SCAI: variants seen among roughly 807,000 people sequenced by gnomAD.
The protein encoded by SCAI is protein SCAI.
In SCAI, 24 loss-of-function variants were observed where a neutral mutation model predicts 92.2. The ratio of observed to expected loss-of-function variants is 0.26; its 90% confidence interval spans 0.19 to 0.37. The LOEUF (loss-of-function observed/expected upper bound fraction) is 0.37. SCAI is among the 10% of genes least tolerant of loss of function. The pLI is 1.00. For synonymous variants in SCAI, 261 were observed against 258.6 expected, an observed-to-expected ratio of 1.01 and a Z score of -0.09; for missense variants, 450 against 736.2, an observed-to-expected ratio of 0.61 and a Z score of 4.50.
At position 124,973,036 on chromosome 9, in the gene SCAI, T is replaced by A. The variant is rs540847532; in HGVS notation, c.1400-1192A>T. 5.7e-4 allele frequency among the ~76,000 whole-genome samples: 87 copies of A among 152,342 alleles called. 1 individual carries two copies. The highest frequency in any genetic ancestry group is 1.1e-3 in the Non-Finnish European group (72 of 68,040). ...GTTTGGATTTTGGGTTTTTTGGGAT[T>A]TGCAATATTTGCATATACATAATGA... On this transcript the variant is annotated intron_variant, in intron 15 of 17. Coordinates refer to ENST00000336505, the MANE Select transcript of SCAI (RefSeq NM_001144877.3).
chr9:125,088,252 T>C (rs1470662138), intron 2 of SCAI, among the ~76,000 whole-genome samples: 1 of 152,066 alleles, frequency 6.6e-6, no homozygotes, highest in African/African-American at 2.4e-5. Flanking sequence ...CACACCACCA[T>C]GCTGATATGG....
At chr9:125,042,816 A>G (rs751255935) in intron 3 of SCAI, among the ~76,000 whole-genome samples, 1 of 148,592 alleles carries the variant, frequency 6.7e-6, no homozygotes, top group Admixed American at 6.7e-5. Context: ...GTACGCAAGT[A>G]AAGTTGTTAG....
At chr9:125,064,494 C>A (rs890400555) in intron 2 of SCAI, among the ~76,000 whole-genome samples, 2 of 152,042 alleles carry the variant, frequency 1.3e-5, no homozygotes, top group African/African-American at 2.4e-5. Flanking sequence ...ATTAAAATTA[C>A]AGTATACCTT....
intron 2 of SCAI, among the ~76,000 whole-genome samples, chr9:125,084,158 CTTTTTTTTTTTTT>C (rs34786493): frequency 1.1e-4 from 7 of 65,138 alleles, no homozygotes; most frequent in East Asian, 5.7e-4. Context: ...TTGGCTGCTG[CTTTTTTTTTTTTT>C]TTTTTTTTTT....
chr9:124,967,644 G>A (rs932649700), intron 17 of SCAI, among the ~76,000 whole-genome samples: 2 of 151,026 alleles, frequency 1.3e-5, no homozygotes, highest in African/African-American at 2.4e-5. Context: ...CCCTTAAAAT[G>A]AAAAAATAAT....
rs1038673075 is a variant in SCAI, at chr9:125,018,859, G to T, written c.801C>A (p.Gly267=). 4 of 1,613,750 alleles carry T rather than the reference G, an allele frequency of 2.5e-6. No individual in the cohort carries two copies. Among genetic ancestry groups the T allele is most frequent in the Non-Finnish European group, 3.4e-6 (4 of 1,179,904 alleles). Residue 267 remains glycine (G), a synonymous_variant, in exon 9 of 18, where the codon GGC becomes GGA. Coordinates refer to ENST00000336505, the MANE Select transcript of SCAI (RefSeq NM_001144877.3). The stretch of plus-strand genomic sequence containing the variant: ...CCAGAGACAACTGTCCCACAATCAT[G>T]CCCTGTTCCAGCAATGGGGCTCCTG... ...AETGAPLLEQ[G]MIVGQLSLAD...
intron 9 of SCAI, among the ~76,000 whole-genome samples, chr9:125,017,358 A>G (rs1015742169): frequency 3.9e-5 from 6 of 152,198 alleles, no homozygotes; most frequent in African/African-American, 1.4e-4. Flanking sequence ...GAATTAAAAA[A>G]AAGTGAGAAA....
chr9:124,953,121 T>C (rs531226586), intron 17 of SCAI, among the ~76,000 whole-genome samples, 168 bp from the exon 18 acceptor site: 1 of 152,316 alleles, frequency 6.6e-6, no homozygotes, highest in African/African-American at 2.4e-5. Context: ...CATTTTGACC[T>C]CTAAAAATGA....
At position 125,138,667 on chromosome 9, in the gene SCAI, G is replaced by A. The variant is rs1470012857; in HGVS notation, c.98+3966C>T. ...CTGACCTTGTGATCCGCCCGCCTTGGCCTCCCAAAGTGCTGGGATTACAGG... is the reference window on the plus strand; with the variant it reads ...CTGACCTTGTGATCCGCCCGCCTTGACCTCCCAAAGTGCTGGGATTACAGG... On this transcript the variant is annotated intron_variant, in intron 2 of 17. Transcript: ENST00000336505. Among the ~76,000 whole-genome samples, 9 of 152,110 alleles carry A rather than the reference G, an allele frequency of 5.9e-5. No homozygotes were observed. The East Asian group carries it at 1.7e-3, about 29-fold the overall frequency.
Position 125,017,694 on chromosome 9 carries a change from C to T in SCAI, c.861+1105G>A, listed in dbSNP as rs377743014. 3.3e-5 allele frequency among the ~76,000 whole-genome samples: 5 copies of T among 152,184 alleles called. No homozygotes were observed. In the South Asian group the frequency reaches 1.0e-3, roughly 32 times the overall value. ...CTGTCATGAAAAAACATTTGAAATT[C>T]ACTTTTGACAAATTTACCCAAAAAC... On this transcript the variant is annotated intron_variant, in intron 9 of 17. Transcript: ENST00000336505.
chr9:125,029,081 A>G (rs1833019934), intron 4 of SCAI, among the ~76,000 whole-genome samples: 2 of 152,118 alleles, frequency 1.3e-5, no homozygotes, highest in African/African-American at 2.4e-5. Flanking sequence ...TACAGACAGG[A>G]GCCACTGCAC....
chr9:125,117,516 A>C (rs888551175), intron 2 of SCAI, among the ~76,000 whole-genome samples: 1 of 151,934 alleles, frequency 6.6e-6, no homozygotes, highest in Non-Finnish European at 1.5e-5. Flanking sequence ...AACTACAAAA[A>C]TTAGCTGGGC....
At chr9:124,979,882 T>C (rs1417185250) in intron 14 of SCAI, among the ~76,000 whole-genome samples, 1 of 151,854 alleles carries the variant, frequency 6.6e-6, no homozygotes, top group African/African-American at 2.4e-5. Flanking sequence ...ACCCCATCTC[T>C]ACTAAAAACA....
At chr9:125,060,814 G>A (rs1347183522) in intron 2 of SCAI, among the ~76,000 whole-genome samples, 2 of 152,136 alleles carry the variant, frequency 1.3e-5, no homozygotes, top group African/African-American at 2.4e-5. Flanking sequence ...CCAGTCTCAG[G>A]TATGTCTTTA....
At chr9:125,046,273 ATATATATATTTCATTCC>A in intron 3 of SCAI, among the ~76,000 whole-genome samples, 1 of 116,822 alleles carries the variant, frequency 8.6e-6, no homozygotes, top group South Asian at 3.1e-4. Flanking sequence ...ACACACACAC[ATATATATATTTCATTCC>A]TTTTATGGCC....
chr9:125,123,234 G>A (rs151298415), intron 2 of SCAI, among the ~76,000 whole-genome samples: 3,515 of 151,636 alleles, frequency 0.023, 142 homozygotes, highest in African/African-American at 0.081. Context: ...GTGGTGGCAC[G>A]TGCCTGTAGT....
intron 17 of SCAI, among the ~76,000 whole-genome samples, chr9:124,958,323 T>A: frequency 6.6e-6 from 1 of 152,204 alleles, no homozygotes; most frequent in East Asian, 1.9e-4. Flanking sequence ...TAAGACTTTT[T>A]TAAAGCTACA....
At chr9:125,127,752 A>C (rs1472412354) in intron 2 of SCAI, among the ~76,000 whole-genome samples, 1 of 152,202 alleles carries the variant, frequency 6.6e-6, no homozygotes, top group African/African-American at 2.4e-5. Flanking sequence ...ACACGCCTGT[A>C]ATCCCAGCAC....
intron 9 of SCAI, among the ~76,000 whole-genome samples, chr9:125,009,626 C>T (rs1215791362): frequency 6.6e-6 from 1 of 152,128 alleles, no homozygotes; most frequent in Admixed American, 6.5e-5. Context: ...GTGGCTCACA[C>T]CCGTAATCCC....
Sources: gnomAD v4.1 joint callset for allele counts (sites outside exome capture counted in the v4.1 genomes callset) on GRCh38, gnomAD v4.1.1 for gene constraint, MANE v1.5 for transcripts, NCBI Gene and HGNC (gene_info 2026-07-23, HGNC 2026-07-21) for gene names.